EVA1C: variants seen among roughly 807,000 people sequenced by gnomAD.
EVA1C encodes protein eva-1 homolog C.
EVA1C carries 25 observed loss-of-function variants against 45.4 expected under a neutral mutation model. The observed-to-expected ratio is 0.55, with a 90% CI of 0.40 to 0.77. The LOEUF is 0.77. EVA1C is among the 30% of genes least tolerant of loss of function. EVA1C has a pLI of 0.00. For missense variants in EVA1C, 479 were observed against 554.8 expected (o/e 0.86, Z 1.37); for synonymous variants, 190 against 221.2 (o/e 0.86, Z 1.25).
chr21:32,486,912 G>T (rs1375280124), intron 4 of EVA1C, among the ~76,000 whole-genome samples: 2 of 152,004 alleles, frequency 1.3e-5, no homozygotes, highest in African/African-American at 2.4e-5. Flanking sequence ...GTATTATTTA[G>T]TTTTTTGGCT....
chr21:32,506,629 G>T (rs1021626244), intron 7 of EVA1C, among the ~76,000 whole-genome samples: 5 of 152,106 alleles, frequency 3.3e-5, no homozygotes, highest in Non-Finnish European at 7.4e-5. Flanking sequence ...GGTTTTCTTG[G>T]TGTGTCTATG....
intron 5 of EVA1C, chr21:32,496,666 A>T (rs1248089737): frequency 1.8e-6 from 1 of 547,840 alleles, no homozygotes; most frequent in South Asian, 2.1e-5. Flanking sequence ...CACGGGTCAC[A>T]CTGAGGTTCC....
chr21:32,479,887 G>A (rs1055524643), intron 4 of EVA1C, among the ~76,000 whole-genome samples: 1 of 151,694 alleles, frequency 6.6e-6, no homozygotes, highest in Admixed American at 6.6e-5. Context: ...AAGGAATATG[G>A]TCAGGCATAT....
chr21:32,438,019 C>G lies in EVA1C; in HGVS notation c.161-15293C>G, dbSNP rs191120643. ...CCGCTCTGCGTCTATCAAGGAGGAG[C>G]AGCTGTTTTTTGAAGCCCTGCTTTC... On this transcript the variant is annotated intron_variant, in intron 1 of 7. Coordinates refer to ENST00000300255, the MANE Select transcript of EVA1C (RefSeq NM_058187.5). 2.4e-3 allele frequency among the ~76,000 whole-genome samples: 361 copies of G among 152,296 alleles called. 1 individual carries two copies. Among genetic ancestry groups the G allele is most frequent in the Non-Finnish European group, 4.2e-3 (286 of 68,024 alleles).
chr21:32,425,935 A>G (rs1443448030), intron 1 of EVA1C, among the ~76,000 whole-genome samples: 1 of 151,152 alleles, frequency 6.6e-6, no homozygotes, highest in East Asian at 2.0e-4. Flanking sequence ...TATTTTCCAC[A>G]CTTTTAGAAC....
chr21:32,450,386 T>TC (rs1182727941), intron 1 of EVA1C, among the ~76,000 whole-genome samples: 2 of 105,112 alleles, frequency 1.9e-5, no homozygotes, highest in Non-Finnish European at 4.5e-5. Context: ...CCTTGTCATT[T>TC]TTTTTTTTTT....
intron 1 of EVA1C, among the ~76,000 whole-genome samples, chr21:32,427,497 G>A (rs1280244957): frequency 6.6e-6 from 1 of 151,166 alleles, no homozygotes; most frequent in Non-Finnish European, 1.5e-5. Flanking sequence ...GAAAGATCAC[G>A]AGGTCAAGAG....
At chr21:32,433,143 A>C (rs2034779156) in intron 1 of EVA1C, 2 of 152,384 alleles carry the variant, frequency 1.3e-5, no homozygotes, top group Non-Finnish European at 1.5e-5. Context: ...TCTATTGCTT[A>C]TCTCCAGAAC....
At chr21:32,422,855 G>T (rs1440400418) in intron 1 of EVA1C, among the ~76,000 whole-genome samples, 3 of 150,182 alleles carry the variant, frequency 2.0e-5, no homozygotes, top group African/African-American at 7.4e-5. Context: ...CAGATCACTT[G>T]AGGTCAGGAG....
intron 4 of EVA1C, among the ~76,000 whole-genome samples, chr21:32,482,874 T>A (rs906115695): frequency 8.0e-4 from 1 of 1,252 alleles, no homozygotes; most frequent in Non-Finnish European, 1.5e-3. Context: ...TTTTTTTTTT[T>A]TGGAGACAGA....
intron 1 of EVA1C, among the ~76,000 whole-genome samples, chr21:32,421,095 A>C (rs1393174723): frequency 2.0e-5 from 3 of 152,222 alleles, no homozygotes; most frequent in Non-Finnish European, 4.4e-5. Context: ...TTCTGAAACT[A>C]TTTCCCCAAC....
intron 5 of EVA1C, chr21:32,496,880 T>G: frequency 9.4e-7 from 1 of 1,059,456 alleles, no homozygotes; most frequent in Non-Finnish European, 1.5e-6. Flanking sequence ...ATATTCAGAG[T>G]TGATGTTGGA....
rs2037063699 is a variant in EVA1C at position 32,488,852 on chromosome 21, C to T, written c.635-6175C>T. 3.1e-5 allele frequency among the ~76,000 whole-genome samples: 3 copies of T among 95,698 alleles called. No individual in the cohort carries two copies. In the South Asian group the frequency reaches 1.3e-3, roughly 41 times the overall value. 62.8% of individuals were successfully genotyped at this position (95,698 alleles called of 152,430 possible). The stretch of plus-strand genomic sequence containing the variant: ...CCGCCCACCTTGGCCTCCCAAAGTG[C>T]TGGGATTATAGGCGTGAGCACCATG... On this transcript the variant is annotated intron_variant, in intron 4 of 7. Transcript: ENST00000300255.
intron 4 of EVA1C, chr21:32,473,997 GCTCA>G (rs1234329306): frequency 2.1e-6 from 2 of 972,548 alleles, no homozygotes; most frequent in East Asian, 2.3e-4. Flanking sequence ...ATTCATCATA[GCTCA>G]CTGCAAGCCT....
chr21:32,507,877 G>A (rs927768587), intron 7 of EVA1C, among the ~76,000 whole-genome samples: 3 of 151,768 alleles, frequency 2.0e-5, no homozygotes, highest in South Asian at 2.1e-4. Context: ...CGTCATGTGT[G>A]TGCATGTGTA....
intron 7 of EVA1C, among the ~76,000 whole-genome samples, chr21:32,511,419 C>CA (rs749141703): frequency 0.42 from 20,133 of 47,932 alleles, 4,417 homozygotes; most frequent in East Asian, 0.61. Flanking sequence ...AACTCCGTCT[C>CA]AAAAAAAAAA....
chr21:32,478,230 A>T (rs112928822), intron 4 of EVA1C, among the ~76,000 whole-genome samples: 227 of 151,200 alleles, frequency 1.5e-3, no homozygotes, highest in Non-Finnish European at 2.1e-3. Context: ...ATATATATAT[A>T]TTTTTTGAGA....
intron 4 of EVA1C, among the ~76,000 whole-genome samples, chr21:32,485,086 C>T (rs933633037): frequency 1.3e-5 from 2 of 152,180 alleles, no homozygotes; most frequent in Admixed American, 1.3e-4. Context: ...TTGACATTCT[C>T]CTCCCCTGAC....
At chr21:32,500,295 T>C (rs1392786554) in intron 5 of EVA1C, among the ~76,000 whole-genome samples, 1 of 149,114 alleles carries the variant, frequency 6.7e-6, no homozygotes, top group Non-Finnish European at 1.5e-5. Context: ...CCTCCTGGGT[T>C]CAAGTGAGCA....
Sources: gnomAD v4.1 joint callset for allele counts (sites outside exome capture counted in the v4.1 genomes callset) on GRCh38, gnomAD v4.1.1 for gene constraint, MANE v1.5 for transcripts, NCBI Gene and HGNC (gene_info 2026-07-23, HGNC 2026-07-21) for gene names.